LPIN1: variants seen among roughly 807,000 people sequenced by gnomAD.
The protein encoded by LPIN1 is phosphatidate phosphatase LPIN1.
In LPIN1, 71 loss-of-function variants were observed where a neutral mutation model predicts 107.5. The observed-to-expected ratio is 0.66, with a 90% CI of 0.55 to 0.80. The LOEUF (loss-of-function observed/expected upper bound fraction) is 0.80, where lower values mean the gene tolerates loss of function less well. LPIN1 is among the 30% of genes least tolerant of loss of function. The pLI, the probability that LPIN1 is intolerant of heterozygous loss-of-function variation, is 0.00. For missense variants in LPIN1, 1,043 were observed against 1,160.6 expected (o/e 0.90, Z 1.47); for synonymous variants, 445 against 452.6 (o/e 0.98, Z 0.21).
In LPIN1 at chr2:11,765,383, T is replaced by C; in HGVS notation, c.-9-150T>C. 2 of 704,668 alleles carry C rather than the reference T, an allele frequency of 2.8e-6. No homozygotes were observed. Among genetic ancestry groups the C allele is most frequent in the Admixed American group, 5.4e-5 (2 of 37,106 alleles). The allele number at this position is 704,668 out of a possible 1,614,324, so 43.7% of individuals were successfully genotyped here. A position where few individuals can be genotyped will look rare whatever the true frequency, so the allele number is the denominator to read the frequency against. On this transcript the variant is annotated intron_variant, in intron 1 of 20. Transcript: ENST00000674199. This position sits in a 1 kb window ranked among gnomAD's most constrained non-coding sequence, Gnocchi z 4.4. Reference sequence around the variant, plus strand: ...GGCCCTGATGGACCCTGATGGGCTATGGGGGTGGATAGAACACATTCCGGA... The same window carrying C: ...GGCCCTGATGGACCCTGATGGGCTACGGGGGTGGATAGAACACATTCCGGA...
chr2:11,702,404 G>A (rs1662917786), intron 1 of LPIN1, among the ~76,000 whole-genome samples: 1 of 152,182 alleles, frequency 6.6e-6, no homozygotes, highest in African/African-American at 2.4e-5. Flanking sequence ...GGTGATTGGG[G>A]TCTGGGCTCT....
rs953385960 is a variant in LPIN1, at chr2:11,707,422, G to A, written c.82-6334G>A. On this transcript the variant is annotated intron_variant, in intron 1 of 21. Transcript: ENST00000449576. This position sits in a 1 kb window ranked among gnomAD's most constrained non-coding sequence, Gnocchi z 4.2. ...GGTGGCAGGAGGTGAGTCCGGAACC[G>A]TGGCCAGACCCCCTGAGGCCACTGT... 3.3e-5 allele frequency among the ~76,000 whole-genome samples: 5 copies of A among 152,184 alleles called. No homozygotes were observed. Among genetic ancestry groups the A allele is most frequent in the African/African-American group, 1.2e-4 (5 of 41,438 alleles).
At chr2:11,785,708 G>A (rs1674448841) in intron 10 of LPIN1, among the ~76,000 whole-genome samples, 2 of 152,108 alleles carry the variant, frequency 1.3e-5, no homozygotes, top group African/African-American at 4.8e-5. Context: ...TAGCAGGGAA[G>A]GGGCCGAGGC....
chr2:11,699,697 G>A (rs1419607018), intron 1 of LPIN1, among the ~76,000 whole-genome samples: 5 of 152,148 alleles, frequency 3.3e-5, no homozygotes. Context: ...GGGTCACTGA[G>A]TGACCACCGT....
At chr2:11,685,033 G>A (rs938107296) in intron 1 of LPIN1, among the ~76,000 whole-genome samples, 6 of 152,172 alleles carry the variant, frequency 3.9e-5, no homozygotes, top group African/African-American at 1.4e-4. Flanking sequence ...ATGGGGAGAG[G>A]GGTTGTGGAG....
At chr2:11,688,263 C>T (rs1662104143) in intron 1 of LPIN1, among the ~76,000 whole-genome samples, 1 of 152,214 alleles carries the variant, frequency 6.6e-6, no homozygotes, top group Admixed American at 6.5e-5. Context: ...CTACATCAAC[C>T]CTGCCACCTC....
At chr2:11,753,371 G>A (rs926346722) in intron 1 of LPIN1, among the ~76,000 whole-genome samples, 5 of 152,196 alleles carry the variant, frequency 3.3e-5, no homozygotes, top group Admixed American at 6.5e-5. Flanking sequence ...TTTTGGACGG[G>A]AATGTCTCAC....
At chr2:11,772,001 G>C (rs922239275) in intron 4 of LPIN1, among the ~76,000 whole-genome samples, 1 of 152,168 alleles carries the variant, frequency 6.6e-6, no homozygotes, top group Admixed American at 6.5e-5. Flanking sequence ...TTGTTTTCCT[G>C]CAACTAGACG....
At chr2:11,768,390 G>A (rs1012811119) in intron 3 of LPIN1, among the ~76,000 whole-genome samples, 5 of 151,982 alleles carry the variant, frequency 3.3e-5, no homozygotes, top group African/African-American at 9.7e-5. Context: ...TTTAGGTATC[G>A]CCTCCCCTAT....
intron 1 of LPIN1, among the ~76,000 whole-genome samples, chr2:11,708,728 G>T (rs572022868): frequency 3.9e-5 from 6 of 152,144 alleles, no homozygotes; most frequent in African/African-American, 1.4e-4. Flanking sequence ...CCCAAAGAGG[G>T]GGAAAAACTT....
chr2:11,766,306 C>G (rs949192550), intron 2 of LPIN1, among the ~76,000 whole-genome samples: 3 of 151,990 alleles, frequency 2.0e-5, no homozygotes, highest in African/African-American at 7.2e-5. Flanking sequence ...CACAAGCTGC[C>G]TGGGCTCAAG....
intron 1 of LPIN1, among the ~76,000 whole-genome samples, chr2:11,755,391 A>G (rs1228588261): frequency 1.3e-5 from 2 of 152,180 alleles, no homozygotes; most frequent in Non-Finnish European, 2.9e-5. Flanking sequence ...GACCAAAAAT[A>G]AAAGTTTCTT....
intron 1 of LPIN1, among the ~76,000 whole-genome samples, chr2:11,731,135 T>A (rs973219778): frequency 3.9e-5 from 6 of 152,206 alleles, no homozygotes; most frequent in Non-Finnish European, 5.9e-5. Context: ...TAGGTATACA[T>A]GTGCTGTGGT....
At chr2:11,693,794 A>G (rs1558723263) in intron 1 of LPIN1, among the ~76,000 whole-genome samples, 320 of 23,162 alleles carry the variant, frequency 0.014, 5 homozygotes, top group Middle Eastern at 0.048. Context: ...GTGTGTATAT[A>G]TATATATATA....
At chr2:11,815,463 CT>C (rs1558301030) in intron 18 of LPIN1, among the ~76,000 whole-genome samples, 1 of 152,186 alleles carries the variant, frequency 6.6e-6, no homozygotes, top group African/African-American at 2.4e-5. Flanking sequence ...CGCTTGGTGG[CT>C]CCTCATGGCC....
rs534084461 is a variant in LPIN1 at position 11,786,844 on chromosome 2, C to T, written c.1550-230C>T. On this transcript the variant is annotated intron_variant, in intron 10 of 20. Coordinates refer to ENST00000674199, the MANE Select transcript of LPIN1 (RefSeq NM_001349206.2). The surrounding 1 kb of genome is among the most constrained non-coding windows in gnomAD (Gnocchi z 4.1). ...ACGTATGTGCCTCAACTAAGGTACACGTCCCCCAACATCCTCAGCCTTGCC... is the reference window on the plus strand; with the variant it reads ...ACGTATGTGCCTCAACTAAGGTACATGTCCCCCAACATCCTCAGCCTTGCC... 2.0e-4 allele frequency among the ~76,000 whole-genome samples: 31 copies of T among 152,366 alleles called. No individual in the cohort carries two copies. The highest frequency in any genetic ancestry group is 6.7e-4 in the African/African-American group (28 of 41,584).
At chr2:11,730,082 T>C (rs966165712) in intron 1 of LPIN1, among the ~76,000 whole-genome samples, 1 of 152,170 alleles carries the variant, frequency 6.6e-6, no homozygotes, top group African/African-American at 2.4e-5. Context: ...TTTCTCTCTT[T>C]CTCTTCTCCT....
At position 11,773,612 on chromosome 2, in the gene LPIN1, T is replaced by G; in HGVS notation, c.597-8T>G. The stretch of plus-strand genomic sequence containing the variant: ...TCTTTGACTTTAATCTTTTTTTTTT[T>G]CCTCCAGAACTCTTCCTAATGATAT... On this transcript the variant is annotated splice_polypyrimidine_tract_variant and splice_region_variant and intron_variant, in intron 4 of 20. Transcript: ENST00000674199. 1 of 1,604,638 alleles carries G rather than the reference T, an allele frequency of 6.2e-7. No individual in the cohort carries two copies. Among genetic ancestry groups the G allele is most frequent in the Non-Finnish European group, 8.5e-7 (1 of 1,172,408 alleles).
At chr2:11,758,091 T>C (rs939309783) in intron 1 of LPIN1, among the ~76,000 whole-genome samples, 2 of 152,248 alleles carry the variant, frequency 1.3e-5, no homozygotes, top group African/African-American at 4.8e-5. Context: ...CAGTAGCATG[T>C]ATCAGAATTT....
Sources: gnomAD v4.1 joint callset for allele counts (sites outside exome capture counted in the v4.1 genomes callset) on GRCh38, gnomAD v4.1.1 for gene constraint, Gnocchi (gnomAD v3.1) non-coding constraint, MANE v1.5 for transcripts, NCBI Gene and HGNC (gene_info 2026-07-23, HGNC 2026-07-21) for gene names.